KCNH1: variants seen among roughly 807,000 people sequenced by gnomAD.
The protein encoded by KCNH1 is potassium voltage-gated channel subfamily H member 1.
Under a neutral mutation model 69.2 loss-of-function variants are expected in KCNH1, and 27 were observed. The ratio of observed to expected loss-of-function variants is 0.39; its 90% confidence interval spans 0.29 to 0.54. KCNH1 has a LOEUF of 0.54. KCNH1 is among the 20% of genes least tolerant of loss of function. The pLI is 0.68. For missense variants in KCNH1, 798 were observed against 1,261.6 expected (o/e 0.63, Z 5.57); for synonymous variants, 456 against 487.7 (o/e 0.93, Z 0.86).
chr1:210,875,075 T>C (rs560956266), intron 7 of KCNH1, among the ~76,000 whole-genome samples: 55 of 152,334 alleles, frequency 3.6e-4, no homozygotes, highest in African/African-American at 1.3e-3. Context: ...TACCTATCAA[T>C]GTAATTCACC....
chr1:211,061,433 A>C (rs1690431756), intron 5 of KCNH1, among the ~76,000 whole-genome samples: 1 of 152,212 alleles, frequency 6.6e-6, no homozygotes, highest in Non-Finnish European at 1.5e-5. Context: ...CACCACTGTT[A>C]TTCAACATAG....
chr1:211,032,017 A>G (rs927740601), intron 5 of KCNH1, among the ~76,000 whole-genome samples: 9 of 152,310 alleles, frequency 5.9e-5, no homozygotes, highest in African/African-American at 2.2e-4. Context: ...AAACCTCATC[A>G]TCTCAGCCCA....
At chr1:210,709,669 C>A (rs145302780) in intron 10 of KCNH1, among the ~76,000 whole-genome samples, 4 of 146,940 alleles carry the variant, frequency 2.7e-5, no homozygotes, top group South Asian at 4.4e-4. Context: ...GACAGATAGA[C>A]GGAAAGAAAG....
intron 6 of KCNH1, among the ~76,000 whole-genome samples, chr1:210,985,605 C>G (rs1688815020): frequency 6.6e-6 from 1 of 152,180 alleles, no homozygotes; most frequent in African/African-American, 2.4e-5. Flanking sequence ...GAGTGAGTTT[C>G]TTAATCCTGA....
chr1:210,807,342 T>C lies in KCNH1; in HGVS notation c.1463-3176A>G, dbSNP rs944531713. ...TATAAAAGCCAGGCACAGTGGCTCA[T>C]GCCTGTAATCCCAGCACTTTGGGAG... is the stretch of plus-strand genomic sequence containing the variant. On this transcript the variant is annotated intron_variant, in intron 7 of 10. Transcript: ENST00000271751. Among the ~76,000 whole-genome samples the C allele has an allele frequency of 1.2e-4, 19 of 152,208 alleles. 1 individual carries two copies. Among genetic ancestry groups the C allele is most frequent in the African/African-American group, 4.6e-4 (19 of 41,544 alleles).
chr1:210,870,553 A>C (rs1343144), intron 7 of KCNH1, among the ~76,000 whole-genome samples: 14,245 of 152,198 alleles, frequency 0.094, 1,495 homozygotes, highest in African/African-American at 0.25. Flanking sequence ...TAACAGCTTC[A>C]GCCTCTGTTA....
At chr1:210,874,897 A>G (rs958528239) in intron 7 of KCNH1, among the ~76,000 whole-genome samples, 5 of 152,192 alleles carry the variant, frequency 3.3e-5, no homozygotes, top group Non-Finnish European at 5.9e-5. Context: ...CCAAATACAC[A>G]GACTGAAGGC....
At chr1:210,911,414 C>A (rs1213671125) in intron 7 of KCNH1, among the ~76,000 whole-genome samples, 1 of 151,866 alleles carries the variant, frequency 6.6e-6, no homozygotes. Flanking sequence ...AATTTTAATT[C>A]AAATGTCAAT....
At chr1:210,929,862 T>C (rs1322592204) in intron 6 of KCNH1, among the ~76,000 whole-genome samples, 1 of 152,202 alleles carries the variant, frequency 6.6e-6, no homozygotes, top group Non-Finnish European at 1.5e-5. Flanking sequence ...CACAAATCAG[T>C]AGCTCTTTTA....
chr1:211,100,137 G>A (rs190426709), intron 3 of KCNH1, among the ~76,000 whole-genome samples: 4 of 151,984 alleles, frequency 2.6e-5, no homozygotes, highest in Admixed American at 6.6e-5. Flanking sequence ...CTGGGATTAC[G>A]GGCGTGAGCC....
At position 210,832,923 on chromosome 1, in the gene KCNH1, CATAT is replaced by C. The variant is rs1558488542; in HGVS notation, c.1463-28761_1463-28758del. Among the ~76,000 whole-genome samples the C allele has an allele frequency of 6.6e-3, 267 of 40,392 alleles. 1 individual carries two copies. The highest frequency in any genetic ancestry group is 0.019 in the African/African-American group (251 of 13,300). The allele number at this position is 40,392 out of a possible 152,430, so 26.5% of individuals were successfully genotyped here. On this transcript the variant is annotated intron_variant, in intron 7 of 10. Coordinates refer to ENST00000271751, the MANE Select transcript of KCNH1 (RefSeq NM_172362.3). The stretch of plus-strand genomic sequence containing the variant: ...TCTCAAATACATATATATATATATA[CATAT>C]AAATTGAATTTGAGGAAGTTAAATA...
chr1:210,995,087 T>C lies in KCNH1; in HGVS notation c.1032+23696A>G, dbSNP rs116357486. Among the ~76,000 whole-genome samples the C allele has an allele frequency of 7.2e-3, 1,102 of 152,322 alleles. 7 individuals carry two copies. The highest frequency in any genetic ancestry group is 0.014 in the Middle Eastern group (4 of 292). Reference sequence around the variant, plus strand: ...GAATCTCTATTTTGGTGGGGCACCATCTACCAAGCTAAGAACTATATTCCT... The same window carrying C: ...GAATCTCTATTTTGGTGGGGCACCACCTACCAAGCTAAGAACTATATTCCT... On this transcript the variant is annotated intron_variant, in intron 6 of 10. Transcript: ENST00000271751.
chr1:211,021,253 T>C (rs1019749336), intron 5 of KCNH1, among the ~76,000 whole-genome samples: 1 of 152,070 alleles, frequency 6.6e-6, no homozygotes, highest in Non-Finnish European at 1.5e-5. Flanking sequence ...AAATCACCAC[T>C]AAAGAACTTA....
In KCNH1 at chr1:211,107,388, A is replaced by C. The variant is rs2102486276; in HGVS notation, c.80-11T>G. On this transcript the variant is annotated splice_polypyrimidine_tract_variant and intron_variant, in intron 1 of 10. Transcript: ENST00000271751. ...ACACAAAATTAGTATCTGTTAAAAA[A>C]AAAAAAAAGGGAAAAAAGGGCACAT... 6.3e-7 allele frequency: 1 copy of C among 1,599,698 alleles called. No homozygotes were observed. Among genetic ancestry groups the C allele is most frequent in the African/African-American group, 1.4e-5 (1 of 73,876 alleles).
intron 7 of KCNH1, among the ~76,000 whole-genome samples, chr1:210,914,382 G>A (rs1165922865): frequency 6.6e-6 from 1 of 152,082 alleles, no homozygotes; most frequent in Non-Finnish European, 1.5e-5. Flanking sequence ...ATGCAAAAAG[G>A]GATACTCAGC....
intron 6 of KCNH1, among the ~76,000 whole-genome samples, chr1:210,984,072 T>G: frequency 6.6e-6 from 1 of 152,236 alleles, no homozygotes; most frequent in South Asian, 2.1e-4. Flanking sequence ...GGCTCTCTGT[T>G]TGTCTGTTAT....
At chr1:211,002,257 TAC>T (rs112723750) in intron 6 of KCNH1, among the ~76,000 whole-genome samples, 12,030 of 146,632 alleles carry the variant, frequency 0.082, 662 homozygotes, top group East Asian at 0.18. Flanking sequence ...CGTATATATA[TAC>T]ACACACACAC....
intron 10 of KCNH1, among the ~76,000 whole-genome samples, chr1:210,720,872 G>A (rs536259368): frequency 6.6e-6 from 1 of 152,304 alleles, no homozygotes; most frequent in South Asian, 2.1e-4. Flanking sequence ...TCACAGGGTA[G>A]TGGGAGTAGA....
chr1:211,102,824 T>G (rs539525020), intron 3 of KCNH1, among the ~76,000 whole-genome samples: 2 of 152,326 alleles, frequency 1.3e-5, no homozygotes, highest in African/African-American at 2.4e-5. Context: ...ACAAAACTAG[T>G]GTTTTTAAAA....
Sources: allele counts gnomAD v4.1 joint callset (sites outside exome capture counted in the v4.1 genomes callset), GRCh38; gene constraint gnomAD v4.1.1; transcripts MANE v1.5; gene names NCBI Gene and HGNC (gene_info 2026-07-23, HGNC 2026-07-21).